SLC25A19: variants seen among roughly 807,000 people sequenced by gnomAD.
The protein encoded by SLC25A19 is mitochondrial thiamine pyrophosphate carrier.
Under a neutral mutation model 27.9 loss-of-function variants are expected in SLC25A19, and 18 were observed. That is an observed-to-expected ratio of 0.64 (90% CI 0.45 to 0.96). The LOEUF (loss-of-function observed/expected upper bound fraction) is 0.96. Ranked by LOEUF, SLC25A19 falls within the 40% of genes least tolerant of loss-of-function variation. The pLI is 0.00. For missense variants in SLC25A19, 371 were observed against 418.3 expected (o/e 0.89, Z 0.99); for synonymous variants, 169 against 167.1 (o/e 1.01, Z -0.09).
rs1358928184 is a variant in SLC25A19, at chr17:75,279,750, G to A, written c.460-1415C>T. On this transcript the variant is annotated intron_variant, in intron 5 of 7. Coordinates refer to ENST00000416858, the MANE Select transcript of SLC25A19 (RefSeq NM_001126121.2). ...TCTCGATCTCCTGACCTTGTGATCC[G>A]CCCGCCTTGGCCTCCCAAAGTGCTG... Among the ~76,000 whole-genome samples the A allele has an allele frequency of 4.0e-5, 6 of 151,808 alleles. No individual in the cohort carries two copies. The East Asian group carries it at 5.8e-4, about 15-fold the overall frequency.
Position 75,273,224 on chromosome 17 carries a change from A to G in SLC25A19, c.*227T>C. The G allele has an allele frequency of 1.8e-6, 1 of 569,510 alleles. No individual in the cohort carries two copies. Among genetic ancestry groups the G allele is most frequent in the Non-Finnish European group, 3.1e-6 (1 of 318,116 alleles). The allele number at this position is 569,510 out of a possible 1,614,324, so 35.3% of individuals were successfully genotyped here. A position where few individuals can be genotyped will look rare whatever the true frequency, so the allele number is the denominator to read the frequency against. On this transcript the variant is annotated 3_prime_UTR_variant, in exon 8 of 8. Transcript: ENST00000416858. Reference sequence around the variant, plus strand: ...AAACAGCAACTTCCTGCTCCTTCTCACTGTGTCGTTGGCTCACCATAGACC... The same window carrying G: ...AAACAGCAACTTCCTGCTCCTTCTCGCTGTGTCGTTGGCTCACCATAGACC...
rs1020411205 is a variant in SLC25A19, at chr17:75,283,096, G to A, written c.459+327C>T. 4.2e-4 allele frequency among the ~76,000 whole-genome samples: 64 copies of A among 151,112 alleles called. 1 individual carries two copies. Among genetic ancestry groups the A allele is most frequent in the African/African-American group, 1.6e-3 (64 of 41,270 alleles). The stretch of plus-strand genomic sequence containing the variant: ...GGGCGGATCGTGAGGTCAGGAGATC[G>A]AGACCATCCTGGCTAACATGGTGAA... On this transcript the variant is annotated intron_variant, in intron 5 of 7. Transcript: ENST00000416858.
At chr17:75,276,182 G>A (rs914220270) in intron 7 of SLC25A19, among the ~76,000 whole-genome samples, 14 of 152,210 alleles carry the variant, frequency 9.2e-5, no homozygotes, top group Admixed American at 7.9e-4. Flanking sequence ...GGCTGAGGCA[G>A]GAGAATTGCT....
At chr17:75,275,652 T>G (rs1343150019) in intron 7 of SLC25A19, among the ~76,000 whole-genome samples, 1 of 152,184 alleles carries the variant, frequency 6.6e-6, no homozygotes, top group Non-Finnish European at 1.5e-5. Flanking sequence ...ACTCTCCTAG[T>G]GCACATAAAA....
At position 75,286,686 on chromosome 17, in the gene SLC25A19, G is replaced by C; in HGVS notation, c.79C>G (p.Leu27Val). The C allele has an allele frequency of 6.2e-7, 1 of 1,614,160 alleles. No homozygotes were observed. ...GGACTGATCAGCGCCCGAGTAACAAGTCCAGACACAGACCCAGCCACTGCC... is the reference window on the plus strand; with the variant it reads ...GGACTGATCAGCGCCCGAGTAACAACTCCAGACACAGACCCAGCCACTGCC... ...QVAVAGSVSG[L>V]VTRALISPFD... The change falls in exon 3 of 8, where the codon CTT (leucine) becomes GTT (valine). Residue 27 changes from leucine (L) to valine (V), a missense_variant. Physicochemically the swap from Leu to Val is conservative, Grantham distance 32. Transcript: ENST00000416858.
intron 1 of SLC25A19, 146 bp from the exon 2 acceptor site, chr17:75,288,737 G>A (rs2078241403): frequency 1.3e-5 from 2 of 149,662 alleles, no homozygotes; most frequent in Non-Finnish European, 3.0e-5. Context: ...GGGTGGGGGT[G>A]GGGGAGGAGG....
chr17:75,277,946 T>A (rs2077934408), intron 6 of SLC25A19, among the ~76,000 whole-genome samples: 1 of 152,184 alleles, frequency 6.6e-6, no homozygotes, highest in Admixed American at 6.5e-5. Context: ...ATTTCAGTAA[T>A]GCCAGTGATG....
rs1362103783 is a variant in SLC25A19 at position 75,277,280 on chromosome 17, G to A, written c.774+73C>T. The A allele has an allele frequency of 3.8e-6, 6 of 1,588,888 alleles. No homozygotes were observed. In the East Asian group the frequency reaches 6.8e-5, roughly 18 times the overall value. The stretch of plus-strand genomic sequence containing the variant: ...GGTGATGTTGCCCAATGGGTAGGAG[G>A]TGACTACTGGTTCCCTCATGTGCCC... On this transcript the variant is annotated intron_variant, in intron 7 of 7. Coordinates refer to ENST00000416858, the MANE Select transcript of SLC25A19 (RefSeq NM_001126121.2).
Position 75,273,556 on chromosome 17 carries a change from G to A in SLC25A19, c.858C>T (p.Ser286=), listed in dbSNP as rs763334231. 29 of 1,614,148 alleles carry A rather than the reference G, an allele frequency of 1.8e-5. No individual in the cohort carries two copies. The highest frequency in any genetic ancestry group is 2.5e-5 in the Non-Finnish European group (29 of 1,180,030). Residue 286 remains serine, a synonymous_variant, in exon 8 of 8, where the codon TCC becomes TCT. Transcript: ENST00000416858. Reference sequence around the variant, plus strand: ...AGAGGGCAGCCTTCAGCAAGCTGGGGGACAGGCCCTTGAAGAAGCCCAGGG... The same window carrying A: ...AGAGGGCAGCCTTCAGCAAGCTGGGAGACAGGCCCTTGAAGAAGCCCAGGG... The part of the protein sequence containing the change: ...EGALGFFKGL[S]PSLLKAALST...
chr17:75,286,351 C>A lies in SLC25A19; in HGVS notation c.241G>T (p.Gly81Ter), dbSNP rs1158564233. The change falls in exon 4 of 8, where the codon GGA becomes TGA. Residue 81 changes from glycine (G) to a stop codon, truncating the protein, a stop_gained. Coordinates refer to ENST00000416858, the MANE Select transcript of SLC25A19 (RefSeq NM_001126121.2). LOFTEE classifies it high-confidence loss of function. The part of the protein sequence containing the change: ...QEEGPTAFWK[G>*]HVPAQILSIG... ...GAGAGAATCTGAGCTGGGACGTGTC[C>A]TTTCCAGAAAGCTGTCGGACCCTCC... The A allele has an allele frequency of 6.2e-7, 1 of 1,614,052 alleles. No individual in the cohort carries two copies. Among genetic ancestry groups the A allele is most frequent in the Non-Finnish European group, 8.5e-7 (1 of 1,180,054 alleles).
At chr17:75,277,232 C>T in intron 7 of SLC25A19, 121 bp downstream of exon 7, 3 of 1,298,702 alleles carry the variant, frequency 2.3e-6, no homozygotes, top group Non-Finnish European at 3.2e-6. Context: ...GGAATGGACG[C>T]AGGTGAAGGG....
At chr17:75,288,815 C>G (rs1431376617) in intron 1 of SLC25A19, among the ~76,000 whole-genome samples, 1 of 152,146 alleles carries the variant, frequency 6.6e-6, no homozygotes, top group Non-Finnish European at 1.5e-5. Flanking sequence ...CTCACCCACC[C>G]TGGAACTCCT....
chr17:75,288,928 G>GT (rs1199481984), intron 1 of SLC25A19: 2 of 152,280 alleles, frequency 1.3e-5, no homozygotes, highest in African/African-American at 2.4e-5. Context: ...TGAGCAGCGT[G>GT]TTTCCCGCCC....
At chr17:75,283,371 T>C (rs2078096242) in intron 5 of SLC25A19, 52 bp downstream of exon 5, 1 of 1,576,932 alleles carries the variant, frequency 6.3e-7, no homozygotes, top group Admixed American at 1.7e-5. Flanking sequence ...GCTACCCCTG[T>C]GACAACACCT....
At chr17:75,276,355 C>T (rs1792832053) in intron 7 of SLC25A19, among the ~76,000 whole-genome samples, 1 of 152,162 alleles carries the variant, frequency 6.6e-6, no homozygotes, top group African/African-American at 2.4e-5. Flanking sequence ...ACAGCTACAG[C>T]AAAACCCCTT....
intron 5 of SLC25A19, among the ~76,000 whole-genome samples, chr17:75,279,777 G>C (rs1225538028): frequency 6.6e-6 from 1 of 152,104 alleles, no homozygotes; most frequent in Non-Finnish European, 1.5e-5. Flanking sequence ...AAAGTGCTGG[G>C]ATTACAGGCG....
chr17:75,289,057 G>A (rs968436423), intron 1 of SLC25A19: 1 of 152,272 alleles, frequency 6.6e-6, no homozygotes, highest in African/African-American at 2.4e-5. Context: ...GGGCTCAGCT[G>A]AGCAAATCTG....
At chr17:75,282,499 A>C (rs1374414049) in intron 5 of SLC25A19, among the ~76,000 whole-genome samples, 1 of 152,142 alleles carries the variant, frequency 6.6e-6, no homozygotes, top group African/African-American at 2.4e-5. Flanking sequence ...CAGTGAGCCG[A>C]GATCTGGCCA....
At position 75,289,356 on chromosome 17, in the gene SLC25A19, G is replaced by C. The variant is rs559007793; in HGVS notation, c.-131C>G. ...GGACGGAGGTAGAGGTTACTCACAC[G>C]GCTCGGCGGGTGCGGCCCGGCTCAG... On this transcript the variant is annotated splice_region_variant and 5_prime_UTR_variant, in exon 1 of 8. Transcript: ENST00000416858. 4 of 152,310 alleles carry C rather than the reference G, an allele frequency of 2.6e-5. No individual in the cohort carries two copies. The highest frequency in any genetic ancestry group is 9.7e-5 in the African/African-American group (4 of 41,440). The allele number at this position is 152,310 out of a possible 1,614,324, so 9.4% of individuals were successfully genotyped here.
Sources: gnomAD v4.1 joint callset for allele counts (sites outside exome capture counted in the v4.1 genomes callset) on GRCh38, gnomAD v4.1.1 for gene constraint, MANE v1.5 for transcripts, NCBI Gene and HGNC (gene_info 2026-07-23, HGNC 2026-07-21) for gene names.